Variants in FHIP1A observed in about 807,000 individuals in gnomAD.
FHIP1A encodes the protein FHF complex subunit HOOK interacting protein 1A.
FHIP1A carries 61 observed loss-of-function variants against 88.6 expected under a neutral mutation model. The observed-to-expected ratio is 0.69, with a 90% CI of 0.56 to 0.85. The LOEUF (loss-of-function observed/expected upper bound fraction) is 0.85. Among genes scored for constraint, FHIP1A ranks in the 40% least tolerant of loss-of-function variants. The pLI, the probability that FHIP1A is intolerant of heterozygous loss-of-function variation, is 0.00. For missense variants in FHIP1A, 1,154 were observed against 1,273.5 expected (o/e 0.91, Z 1.43); for synonymous variants, 478 against 496.0 (o/e 0.96, Z 0.48).
chr4:151,453,979 C>T (rs1265186041), intron 1 of FHIP1A, among the ~76,000 whole-genome samples: 1 of 152,176 alleles, frequency 6.6e-6, no homozygotes, highest in Non-Finnish European at 1.5e-5. Context: ...TATTTAGCCA[C>T]TTCCTTATGG....
chr4:151,612,641 CAA>C (rs1735369141), intron 7 of FHIP1A, among the ~76,000 whole-genome samples: 1 of 152,192 alleles, frequency 6.6e-6, no homozygotes, highest in Non-Finnish European at 1.5e-5. Flanking sequence ...CTCGGCCTCC[CAA>C]AGTGTTGGGA....
At chr4:151,638,638 C>T (rs1736455015) in intron 8 of FHIP1A, 39 bp from the exon 9 acceptor site, 23 of 1,281,284 alleles carry the variant, frequency 1.8e-5, no homozygotes, top group Non-Finnish European at 2.5e-5. Flanking sequence ...AGTTATCGTT[C>T]CAACATCTGA....
intron 13 of FHIP1A, among the ~76,000 whole-genome samples, chr4:151,658,966 A>G (rs1737354213): frequency 6.6e-6 from 1 of 152,192 alleles, no homozygotes; most frequent in Admixed American, 6.5e-5. Context: ...ACTGAGGTGC[A>G]CTAGATACTC....
In FHIP1A at chr4:151,414,425, A is replaced by C. The variant is rs563100059; in HGVS notation, c.-356+4960A>C. ...CAAAAGTATTTTTATCTAATTCCTT[A>C]AATTTCCATTTTGAAAATGCTTCAA... On this transcript the variant is annotated intron_variant, in intron 1 of 13. Coordinates refer to ENST00000435205, the MANE Select transcript of FHIP1A (RefSeq NM_001109977.3). Among the ~76,000 whole-genome samples, 6 of 152,288 alleles carry C rather than the reference A, an allele frequency of 3.9e-5. No individual in the cohort carries two copies. In the South Asian group the frequency reaches 1.2e-3, roughly 32 times the overall value.
At chr4:151,632,429 T>A (rs1183719979) in intron 8 of FHIP1A, among the ~76,000 whole-genome samples, 1 of 151,832 alleles carries the variant, frequency 6.6e-6, no homozygotes, top group Non-Finnish European at 1.5e-5. Context: ...GATAAAAATA[T>A]CAGACAGAAG....
intron 3 of FHIP1A, among the ~76,000 whole-genome samples, chr4:151,512,684 C>T (rs1280541181): frequency 1.3e-5 from 2 of 151,964 alleles, no homozygotes; most frequent in Non-Finnish European, 2.9e-5. Context: ...ATGCGATCAA[C>T]TGGAAGAAAG....
intron 4 of FHIP1A, among the ~76,000 whole-genome samples, chr4:151,571,864 C>G (rs1401316253): frequency 6.6e-6 from 1 of 152,232 alleles, no homozygotes; most frequent in Non-Finnish European, 1.5e-5. Context: ...AGTTATACTT[C>G]TTAAGTTAGA....
chr4:151,449,321 G>C (rs1050405642), intron 1 of FHIP1A, among the ~76,000 whole-genome samples: 2 of 152,120 alleles, frequency 1.3e-5, no homozygotes, highest in African/African-American at 4.8e-5. Context: ...CTGAGGTATG[G>C]AGAAGTGAAG....
intron 7 of FHIP1A, among the ~76,000 whole-genome samples, chr4:151,601,556 A>G (rs1734867348): frequency 6.6e-6 from 1 of 150,710 alleles, no homozygotes; most frequent in South Asian, 2.1e-4. Flanking sequence ...ACCTAAAATC[A>G]GAGTTGGACT....
intron 3 of FHIP1A, among the ~76,000 whole-genome samples, chr4:151,553,893 C>A (rs1243806631): frequency 6.6e-6 from 1 of 152,140 alleles, no homozygotes; most frequent in African/African-American, 2.4e-5. Context: ...GAAATCACAT[C>A]ATGTTTTTAT....
chr4:151,579,231 T>C (rs1367963692), intron 5 of FHIP1A, among the ~76,000 whole-genome samples: 1 of 152,176 alleles, frequency 6.6e-6, no homozygotes, highest in Non-Finnish European at 1.5e-5. Context: ...GAGTGAGCGC[T>C]CATGTAAACT....
intron 5 of FHIP1A, among the ~76,000 whole-genome samples, chr4:151,584,106 A>G (rs1407644028): frequency 2.0e-5 from 3 of 152,150 alleles, no homozygotes; most frequent in African/African-American, 7.2e-5. Flanking sequence ...TGATTTCTCT[A>G]GTACTGAAAT....
intron 3 of FHIP1A, among the ~76,000 whole-genome samples, chr4:151,516,485 A>G: frequency 6.6e-6 from 1 of 152,166 alleles, no homozygotes. Flanking sequence ...TCTGCACAGC[A>G]AAAGAAACTA....
rs1041711138 is a variant in FHIP1A at position 151,662,607 on chromosome 4, AC to A, written c.2982del (p.Asn995ThrfsTer6). ...LTHRTKVAEAPPNLPLPVRNP... is the reference protein window; with the variant it reads ...LTHRTKVAEAXPNLPLPVRNP... ...CCCACAGAACCAAGGTGGCTGAGGC[AC>A]CCCCCAACCTGCCCCTGCCGGTGAG... On this transcript the variant is annotated frameshift_variant, in exon 14 of 14. Transcript: ENST00000435205. LOFTEE classifies it high-confidence loss of function. The A allele has an allele frequency of 5.8e-6, 9 of 1,551,110 alleles. No individual in the cohort carries two copies. In the Admixed American group the frequency reaches 7.9e-5, roughly 14 times the overall value.
rs1378863440 is a variant in FHIP1A at position 151,431,158 on chromosome 4, T to C, written c.-356+21693T>C. Reference sequence around the variant, plus strand: ...CTGCTTTTTTGGTAAATAAGCCTGGTGGAAAAGGCCTTTCAGTGTTTGTGC... The same window carrying C: ...CTGCTTTTTTGGTAAATAAGCCTGGCGGAAAAGGCCTTTCAGTGTTTGTGC... On this transcript the variant is annotated intron_variant, in intron 1 of 13. Coordinates refer to ENST00000435205, the MANE Select transcript of FHIP1A (RefSeq NM_001109977.3). 2.0e-5 allele frequency among the ~76,000 whole-genome samples: 3 copies of C among 152,306 alleles called. No individual in the cohort carries two copies. The East Asian group carries it at 5.8e-4, about 29-fold the overall frequency.
rs1737715601 is a variant in FHIP1A, at chr4:151,667,722, G to T, written c.*4968G>T. Among the ~76,000 whole-genome samples the T allele has an allele frequency of 6.6e-6, 1 of 152,156 alleles. No homozygotes were observed. Among genetic ancestry groups the T allele is most frequent in the Non-Finnish European group, 1.5e-5 (1 of 68,032 alleles). ...GGACTGACCTTTCCTAGCTTGTAGG[G>T]TCACTGTGAATTTTGTTCATGTCTT... On this transcript the variant is annotated 3_prime_UTR_variant, in exon 14 of 14. Transcript: ENST00000435205.
At chr4:151,419,517 T>C (rs903479083) in intron 1 of FHIP1A, among the ~76,000 whole-genome samples, 1 of 150,684 alleles carries the variant, frequency 6.6e-6, no homozygotes, top group Non-Finnish European at 1.5e-5. Context: ...TATGATCTGG[T>C]GCTCTGTGCA....
chr4:151,485,083 A>G (rs2126638823), intron 3 of FHIP1A, among the ~76,000 whole-genome samples: 1 of 152,318 alleles, frequency 6.6e-6, no homozygotes, highest in East Asian at 1.9e-4. Context: ...GGGTCAAATA[A>G]TCAAACCACC....
intron 3 of FHIP1A, among the ~76,000 whole-genome samples, chr4:151,507,883 T>G (rs1236023024): frequency 6.6e-6 from 1 of 152,198 alleles, no homozygotes; most frequent in Non-Finnish European, 1.5e-5. Flanking sequence ...TGTTATATAT[T>G]ATTTAAACAG....
Sources: gnomAD v4.1 joint callset for allele counts (sites outside exome capture counted in the v4.1 genomes callset) on GRCh38, gnomAD v4.1.1 for gene constraint, MANE v1.5 for transcripts, NCBI Gene and HGNC (gene_info 2026-07-23, HGNC 2026-07-21) for gene names.